The following THSD7A variants were observed in gnomAD, a reference collection of about 807,000 sequenced individuals.
The protein encoded by THSD7A is thrombospondin type 1 domain containing 7A.
THSD7A carries 96 observed loss-of-function variants against 231.3 expected under a neutral mutation model. The ratio of observed to expected loss-of-function variants is 0.41; its 90% CI spans 0.35 to 0.49. THSD7A has a LOEUF of 0.49. THSD7A is among the 20% of genes least tolerant of loss of function. The pLI is 0.05. For synonymous variants in THSD7A, 940 were observed against 743.3 expected, an observed-to-expected ratio of 1.26 and a Z score of -4.30; for missense variants, 2,290 against 2,070.2, an observed-to-expected ratio of 1.11 and a Z score of -2.06.
At chr7:11,748,808 C>T (rs1782400816) in intron 1 of THSD7A, among the ~76,000 whole-genome samples, 1 of 151,854 alleles carries the variant, frequency 6.6e-6, no homozygotes, top group Non-Finnish European at 1.5e-5. Flanking sequence ...AATAACAATA[C>T]AAACTTATAA....
At chr7:11,806,539 A>C (rs554273408) in intron 1 of THSD7A, among the ~76,000 whole-genome samples, 1 of 151,310 alleles carries the variant, frequency 6.6e-6, no homozygotes, top group Admixed American at 6.6e-5. Flanking sequence ...GGAGTATTTC[A>C]GGCAATGCTG....
chr7:11,672,728 T>C (rs1265045919), intron 1 of THSD7A, among the ~76,000 whole-genome samples: 1 of 152,174 alleles, frequency 6.6e-6, no homozygotes, highest in African/African-American at 2.4e-5. Flanking sequence ...CACGGTGCTT[T>C]ATGGAGCCAG....
At chr7:11,716,272 C>A (rs1781134272) in intron 1 of THSD7A, among the ~76,000 whole-genome samples, 1 of 151,452 alleles carries the variant, frequency 6.6e-6, no homozygotes, top group Non-Finnish European at 1.5e-5. Flanking sequence ...CTTGAATGCC[C>A]CTGTGACTGT....
intron 1 of THSD7A, among the ~76,000 whole-genome samples, chr7:11,710,708 A>C (rs943018382): frequency 6.0e-5 from 9 of 150,870 alleles, no homozygotes; most frequent in Non-Finnish European, 1.3e-4. Context: ...TTATTATTTT[A>C]TCCAAGAAAC....
chr7:11,724,757 A>G (rs1781485492), intron 1 of THSD7A, among the ~76,000 whole-genome samples: 1 of 151,948 alleles, frequency 6.6e-6, no homozygotes. Flanking sequence ...CATTACATAT[A>G]CCAGAATACA....
At chr7:11,771,967 G>C (rs116133507) in intron 1 of THSD7A, among the ~76,000 whole-genome samples, 1,990 of 152,264 alleles carry the variant, frequency 0.013, 45 homozygotes, top group African/African-American at 0.045. Context: ...CTTCCGCCAT[G>C]GTTGAAAGTT....
chr7:11,541,456 G>A lies in THSD7A; in HGVS notation c.1785C>T (p.Gly595=). ...EPDNGKECGP[G]TQVQEVVCIN... ...TGCACACAACCTCTTGAACTTGCGTGCCTGGACCACACTCCTTTCCGTTAT... is the reference window on the plus strand; with the variant it reads ...TGCACACAACCTCTTGAACTTGCGTACCTGGACCACACTCCTTTCCGTTAT... Residue 595 remains glycine (G), a synonymous_variant, in exon 6 of 28, where the codon GGC becomes GGT. Transcript: ENST00000423059. 1 of 1,613,958 alleles carries A rather than the reference G, an allele frequency of 6.2e-7. No homozygotes were observed. Among genetic ancestry groups the A allele is most frequent in the Non-Finnish European group, 8.5e-7 (1 of 1,179,890 alleles).
intron 6 of THSD7A, among the ~76,000 whole-genome samples, chr7:11,488,315 A>G (rs1421447412): frequency 1.3e-5 from 2 of 152,146 alleles, no homozygotes; most frequent in South Asian, 2.1e-4. Flanking sequence ...AGTTTACAAA[A>G]GAATTAAAGA....
intron 1 of THSD7A, among the ~76,000 whole-genome samples, chr7:11,654,860 G>T (rs565982145): frequency 6.6e-6 from 1 of 151,982 alleles, no homozygotes; most frequent in African/African-American, 2.4e-5. Context: ...ATGGTTTACT[G>T]AGTAGTTGGT....
At chr7:11,713,958 A>G (rs914150605) in intron 1 of THSD7A, among the ~76,000 whole-genome samples, 1 of 151,310 alleles carries the variant, frequency 6.6e-6, no homozygotes, top group Non-Finnish European at 1.5e-5. Context: ...ATATATTAGA[A>G]TAGAAAGGTA....
intron 11 of THSD7A, among the ~76,000 whole-genome samples, chr7:11,452,350 G>C (rs910524616): frequency 1.3e-5 from 2 of 151,972 alleles, no homozygotes; most frequent in Non-Finnish European, 2.9e-5. Context: ...TTGTTTACTA[G>C]GTAGATATAA....
chr7:11,665,910 TAC>T (rs1783112179), intron 1 of THSD7A, among the ~76,000 whole-genome samples: 1 of 152,152 alleles, frequency 6.6e-6, no homozygotes, highest in African/African-American at 2.4e-5. Flanking sequence ...ATGTATGCAC[TAC>T]AGAGTCCTCC....
At chr7:11,510,964 T>G (rs1787782937) in intron 6 of THSD7A, among the ~76,000 whole-genome samples, 1 of 150,408 alleles carries the variant, frequency 6.6e-6, no homozygotes, top group Non-Finnish European at 1.5e-5. Context: ...AAATAAAGGG[T>G]ATTCAATTAG....
intron 1 of THSD7A, among the ~76,000 whole-genome samples, chr7:11,792,211 T>C (rs1040625279): frequency 6.6e-6 from 1 of 151,992 alleles, no homozygotes; most frequent in Non-Finnish European, 1.5e-5. Context: ...TTGCCCTTTC[T>C]GGCTTGACTA....
intron 9 of THSD7A, 27 bp from the exon 10 acceptor site, chr7:11,462,170 T>C (rs1420103893): frequency 1.2e-6 from 2 of 1,612,120 alleles, no homozygotes; most frequent in African/African-American, 2.7e-5. Context: ...TTTTAACCTC[T>C]GTACTTTACA....
At chr7:11,748,391 T>C (rs1048656535) in intron 1 of THSD7A, among the ~76,000 whole-genome samples, 2 of 152,000 alleles carry the variant, frequency 1.3e-5, no homozygotes, top group African/African-American at 4.8e-5. Context: ...GATAAAACCA[T>C]TCCCCGATTA....
Position 11,474,642 on chromosome 7 carries a change from T to C in THSD7A, c.2018-74A>G, listed in dbSNP as rs906778000. On this transcript the variant is annotated intron_variant, in intron 7 of 27. Transcript: ENST00000423059. The surrounding 1 kb of genome is among the most constrained non-coding windows in gnomAD (Gnocchi z 4.1). ...CCTTACCATACTCTGTTCTTTGGAA[T>C]TAACATGGCTTAGAAATAAAAAGTG... is the stretch of plus-strand genomic sequence containing the variant. 5 of 1,189,000 alleles carry C rather than the reference T, an allele frequency of 4.2e-6. No homozygotes were observed. The highest frequency in any genetic ancestry group is 5.0e-5 in the East Asian group (2 of 40,132). 73.7% of individuals were successfully genotyped at this position (1,189,000 alleles called of 1,614,324 possible). A position where few individuals can be genotyped will look rare whatever the true frequency, so the allele number is the denominator to read the frequency against.
rs562664748 is a variant in THSD7A, at chr7:11,534,678, G to T, written c.1822+6741C>A. Among the ~76,000 whole-genome samples the T allele has an allele frequency of 9.9e-5, 15 of 152,200 alleles. No homozygotes were observed. The South Asian group carries it at 3.1e-3, about 32-fold the overall frequency. On this transcript the variant is annotated intron_variant, in intron 6 of 27. Transcript: ENST00000423059. ...GGTCTGAGAGGTGGAAAGAGAATAG[G>T]GAATACAGAATCAATGAAGTCATGG...
At chr7:11,717,214 C>G (rs563719289) in intron 1 of THSD7A, among the ~76,000 whole-genome samples, 7 of 151,694 alleles carry the variant, frequency 4.6e-5, no homozygotes, top group Non-Finnish European at 1.0e-4. Context: ...AGGTGATAGT[C>G]TCAGGCAGAG....
Sources: gnomAD v4.1 joint callset for allele counts (sites outside exome capture counted in the v4.1 genomes callset) on GRCh38, gnomAD v4.1.1 for gene constraint, Gnocchi (gnomAD v3.1) non-coding constraint, MANE v1.5 for transcripts, NCBI Gene and HGNC (gene_info 2026-07-23, HGNC 2026-07-21) for gene names.